PSMC3: variants seen among roughly 807,000 people sequenced by gnomAD.
The protein encoded by PSMC3 is proteasome 26S subunit, ATPase 3.
Under a neutral mutation model 52.0 loss-of-function variants are expected in PSMC3, and 11 were observed. The observed-to-expected ratio is 0.21, with a 90% CI of 0.13 to 0.35. The LOEUF is 0.35. Ranked by LOEUF, PSMC3 falls within the 10% of genes least tolerant of loss-of-function variation. The probability of loss-of-function intolerance (pLI) is 1.00; values close to 1 mark genes in which losing one functional copy is unlikely to be tolerated. For missense variants in PSMC3, 238 were observed against 567.1 expected (o/e 0.42, Z 5.89); for synonymous variants, 201 against 218.8 (o/e 0.92, Z 0.72).
At chr11:47,421,939 A>T (rs1206232894) in intron 8 of PSMC3, among the ~76,000 whole-genome samples, 2 of 152,070 alleles carry the variant, frequency 1.3e-5, no homozygotes, top group Non-Finnish European at 2.9e-5. Flanking sequence ...GGAGTGAGCC[A>T]CTGCACCCAG....
chr11:47,423,949 T>G (rs2096043644), intron 6 of PSMC3, 97 bp downstream of exon 6: 1 of 1,543,104 alleles, frequency 6.5e-7, no homozygotes. Context: ...TAGGTTGCTA[T>G]GAGGATGAAA....
Position 47,425,961 on chromosome 11 carries a change from T to C in PSMC3, c.76-11A>G, listed in dbSNP as rs1432006823. On this transcript the variant is annotated splice_polypyrimidine_tract_variant and intron_variant, in intron 1 of 11. Transcript: ENST00000298852. ...CCCAATTCCATCTTGCTGTAAAAAA[T>C]TATTTGTTTATTTATATATTTACTT... The C allele has an allele frequency of 1.2e-6, 2 of 1,603,674 alleles. No individual in the cohort carries two copies. Among genetic ancestry groups the C allele is most frequent in the Admixed American group, 1.7e-5 (1 of 59,954 alleles).
At position 47,420,735 on chromosome 11, in the gene PSMC3, A is replaced by G. The variant is rs200395366; in HGVS notation, c.885-8T>C. ...GCCTTCTCACTGTCAAAGCTAGGGC[A>G]CAGGAAGCCCGAGATGCTGGTGAGG... On this transcript the variant is annotated splice_polypyrimidine_tract_variant and splice_region_variant and intron_variant, in intron 8 of 11. Coordinates refer to ENST00000298852, the MANE Select transcript of PSMC3 (RefSeq NM_002804.5). The G allele has an allele frequency of 2.1e-5, 32 of 1,555,106 alleles. No individual in the cohort carries two copies. Among genetic ancestry groups the G allele is most frequent in the Admixed American group, 3.9e-5 (2 of 51,506 alleles).
At chr11:47,426,025 C>T in intron 1 of PSMC3, 75 bp from the exon 2 acceptor site, 1 of 1,473,674 alleles carries the variant, frequency 6.8e-7, no homozygotes. Context: ...CGAACCCACT[C>T]ACAGCCTCAG....
chr11:47,420,177 C>CT, intron 10 of PSMC3, 87 bp downstream of exon 10: 1 of 1,511,524 alleles, frequency 6.6e-7, no homozygotes, highest in Non-Finnish European at 9.1e-7. Flanking sequence ...GTCGTGGAGG[C>CT]TGGGGAAGAT....
At chr11:47,425,033 C>A in intron 3 of PSMC3, 88 bp downstream of exon 3, 1 of 1,576,526 alleles carries the variant, frequency 6.3e-7, no homozygotes, top group South Asian at 1.1e-5. Context: ...GCCTCAATAC[C>A]TCCACCCACT....
chr11:47,425,372 CTCT>C (rs1327033925), intron 2 of PSMC3, 126 bp from the exon 3 acceptor site: 5 of 1,203,976 alleles, frequency 4.2e-6, no homozygotes, highest in Non-Finnish European at 5.9e-6. Flanking sequence ...CTCTGAGGCT[CTCT>C]GAAGGCAGAG....
At chr11:47,425,016 C>G in intron 3 of PSMC3, 105 bp downstream of exon 3, 1 of 1,506,476 alleles carries the variant, frequency 6.6e-7, no homozygotes, top group South Asian at 1.2e-5. Context: ...CTCTGACATG[C>G]AGTTTGGCCT....
chr11:47,421,948 A>T (rs1226977314), intron 8 of PSMC3, among the ~76,000 whole-genome samples: 1 of 151,914 alleles, frequency 6.6e-6, no homozygotes, highest in Non-Finnish European at 1.5e-5. Flanking sequence ...CACTGCACCC[A>T]GCCAGGGTTT....
chr11:47,421,505 A>G lies in PSMC3; in HGVS notation c.885-778T>C, dbSNP rs77692239. Among the ~76,000 whole-genome samples the G allele has an allele frequency of 2.4e-4, 36 of 152,166 alleles. 3 individuals are homozygous for G. In the East Asian group the frequency reaches 7.0e-3, roughly 29 times the overall value. On this transcript the variant is annotated intron_variant, in intron 8 of 11. Coordinates refer to ENST00000298852, the MANE Select transcript of PSMC3 (RefSeq NM_002804.5). ...GGGTAAGAGCCACGGCGGGCCTGAA[A>G]CGCAGGAAGCACCGTGGCAGGAGTC...
intron 10 of PSMC3, among the ~76,000 whole-genome samples, chr11:47,419,668 G>A (rs1254666818): frequency 2.0e-5 from 3 of 152,130 alleles, no homozygotes; most frequent in Admixed American, 1.3e-4. Context: ...GACCATTCTG[G>A]CTAACAAGGT....
intron 10 of PSMC3, 132 bp downstream of exon 10, chr11:47,420,132 C>T (rs72903900): frequency 0.053 from 56,972 of 1,072,570 alleles, 1,797 homozygotes; most frequent in Non-Finnish European, 0.063. Flanking sequence ...GCGTGTGGAA[C>T]GGTGCTGTGT....
intron 8 of PSMC3, 65 bp from the exon 9 acceptor site, chr11:47,420,792 AC>A: frequency 1.4e-6 from 2 of 1,443,588 alleles, no homozygotes; most frequent in African/African-American, 1.4e-5. Context: ...CCCCTCCTCT[AC>A]CCCCTGGAAG....
intron 2 of PSMC3, 168 bp downstream of exon 2, chr11:47,425,699 T>C (rs1396973315): frequency 8.2e-6 from 5 of 606,848 alleles, no homozygotes; most frequent in South Asian, 2.2e-5. Flanking sequence ...ACCTGTCTTC[T>C]TGTCCCTTTT....
Position 47,424,696 on chromosome 11 carries a change from G to A in PSMC3, c.301C>T (p.Pro101Ser). Residue 101 changes from proline to serine, a missense_variant, in exon 4 of 12, where the codon CCT (proline) becomes TCT (serine). By Grantham distance (74) the Pro-to-Ser change is moderately conservative. This residue lies in a region of PSMC3 where 21 missense variants were observed against 95.6 expected (regional missense o/e 0.22). Transcript: ENST00000298852. The surrounding 1 kb of genome is among the most constrained non-coding windows in gnomAD (Gnocchi z 4.8). ...SNVIELLDVD[P>S]NDQEEDGANI... The stretch of plus-strand genomic sequence containing the variant: ...GCACCATCCTCCTCTTGGTCATTAG[G>A]ATCAACATCCAGGAGCTGGGAAGGA... 1 of 1,613,306 alleles carries A rather than the reference G, an allele frequency of 6.2e-7. No individual in the cohort carries two copies. Among genetic ancestry groups the A allele is most frequent in the Non-Finnish European group, 8.5e-7 (1 of 1,179,286 alleles).
rs373780344 is a variant in PSMC3 at position 47,418,799 on chromosome 11, C to T, written c.*36G>A. 1.1e-4 allele frequency: 180 copies of T among 1,572,496 alleles called. No individual in the cohort carries two copies. Among genetic ancestry groups the T allele is most frequent in the Non-Finnish European group, 1.5e-4 (169 of 1,143,430 alleles). ...GGACCCTAAACCATCTTTTATTGCGCACTTCAGCCGTGAGACTGGGGCTGG... is the reference window on the plus strand; with the variant it reads ...GGACCCTAAACCATCTTTTATTGCGTACTTCAGCCGTGAGACTGGGGCTGG... On this transcript the variant is annotated 3_prime_UTR_variant, in exon 12 of 12. Coordinates refer to ENST00000298852, the MANE Select transcript of PSMC3 (RefSeq NM_002804.5).
intron 6 of PSMC3, 100 bp from the exon 7 acceptor site, chr11:47,423,073 A>C: frequency 2.5e-6 from 3 of 1,205,618 alleles, no homozygotes; most frequent in Non-Finnish European, 3.5e-6. Context: ...TCCTACTCTA[A>C]CTCAGGGACA....
intron 6 of PSMC3, 90 bp from the exon 7 acceptor site, chr11:47,423,063 T>A: frequency 7.5e-7 from 1 of 1,327,868 alleles, no homozygotes; most frequent in African/African-American, 1.5e-5. Context: ...TCTGCATCCC[T>A]CCTACTCTAA....
chr11:47,420,356 C>T lies in PSMC3; in HGVS notation c.1035G>A (p.Ser345=), dbSNP rs745712806. The change falls in exon 10 of 12, where the codon TCG becomes TCA. Residue 345 remains serine (S), a synonymous_variant. Coordinates refer to ENST00000298852, the MANE Select transcript of PSMC3 (RefSeq NM_002804.5). ...VDILDPALLR[S]GRLDRKIEFP... ...ACTCTATCTTGCGGTCAAGGCGGCCCGAGCGGAGGAGGGCGGGGTCCAGGA... is the reference window on the plus strand; with the variant it reads ...ACTCTATCTTGCGGTCAAGGCGGCCTGAGCGGAGGAGGGCGGGGTCCAGGA... The T allele has an allele frequency of 1.5e-5, 25 of 1,614,054 alleles. No individual in the cohort carries two copies. The highest frequency in any genetic ancestry group is 6.7e-5 in the African/African-American group (5 of 74,936).
Sources: gnomAD v4.1 joint callset for allele counts (sites outside exome capture counted in the v4.1 genomes callset) on GRCh38, gnomAD v4.1.1 for gene constraint, gnomAD v4.1.1 regional missense constraint, Gnocchi (gnomAD v3.1) non-coding constraint, MANE v1.5 for transcripts, NCBI Gene and HGNC (gene_info 2026-07-23, HGNC 2026-07-21) for gene names.